The following ABI3BP variants were observed in gnomAD, a reference collection of about 807,000 sequenced individuals.
The protein encoded by ABI3BP is ABI family member 3 binding protein.
ABI3BP carries 216 observed loss-of-function variants against 268.6 expected under a neutral mutation model. The observed-to-expected ratio is 0.80, with a 90% CI of 0.72 to 0.90. The LOEUF (loss-of-function observed/expected upper bound fraction) is 0.90. ABI3BP is among the 40% of genes least tolerant of loss of function. The pLI is 0.00. For synonymous variants in ABI3BP, 730 were observed against 730.0 expected (o/e 1.00, Z 0.00); for missense variants, 2,090 against 2,182.4 (o/e 0.96, Z 0.84).
intron 61 of ABI3BP, among the ~76,000 whole-genome samples, chr3:100,774,026 G>A (rs921621713): frequency 6.6e-6 from 1 of 152,028 alleles, no homozygotes; most frequent in Admixed American, 6.6e-5. Flanking sequence ...TGTGATGATG[G>A]TCTCATGGGT....
intron 2 of ABI3BP, among the ~76,000 whole-genome samples, chr3:100,925,910 T>G (rs2061665640): frequency 6.6e-6 from 1 of 152,154 alleles, no homozygotes; most frequent in Non-Finnish European, 1.5e-5. Flanking sequence ...TATAATACTT[T>G]TTTTTAAAAT....
At chr3:100,901,683 G>A (rs555981032) in intron 3 of ABI3BP, among the ~76,000 whole-genome samples, 1 of 151,962 alleles carries the variant, frequency 6.6e-6, no homozygotes, top group South Asian at 2.1e-4. Flanking sequence ...GGAGAATGGC[G>A]TGAACCTGGG....
At chr3:100,895,160 T>C (rs1398944166) in intron 4 of ABI3BP, among the ~76,000 whole-genome samples, 1 of 151,988 alleles carries the variant, frequency 6.6e-6, no homozygotes, top group Non-Finnish European at 1.5e-5. Context: ...CAGTTGACTC[T>C]TCATCAGGGC....
At chr3:100,897,083 C>A (rs530970562) in intron 4 of ABI3BP, among the ~76,000 whole-genome samples, 1 of 59,750 alleles carries the variant, frequency 1.7e-5, no homozygotes, top group East Asian at 1.3e-3. Flanking sequence ...ATAAACATGG[C>A]CAAAAAGCAC....
intron 1 of ABI3BP, among the ~76,000 whole-genome samples, chr3:100,939,439 TAAAGG>T (rs1167883247): frequency 1.3e-5 from 2 of 151,652 alleles, no homozygotes; most frequent in African/African-American, 4.8e-5. Context: ...GCTTGAAAAA[TAAAGG>T]GAGAGAGTAC....
At chr3:100,817,608 C>A in intron 41 of ABI3BP, 113 bp from the exon 42 acceptor site, 1 of 722,826 alleles carries the variant, frequency 1.4e-6, no homozygotes, top group Non-Finnish European at 2.1e-6. Context: ...CAGATTTGGC[C>A]AAACCATGGT....
At position 100,866,971 on chromosome 3, in the gene ABI3BP, A is replaced by G; in HGVS notation, c.911-15T>C. ...TTCATTCTTAGCTAAAAAGTCAGAG[A>G]ACAAACAATTTATCTCACTTGCAGT... On this transcript the variant is annotated splice_polypyrimidine_tract_variant and intron_variant, in intron 9 of 67. Transcript: ENST00000471714. 6.2e-7 allele frequency: 1 copy of G among 1,608,500 alleles called. No homozygotes were observed. The highest frequency in any genetic ancestry group is 1.1e-5 in the South Asian group (1 of 90,902).
chr3:100,801,336 G>C (rs550646688), intron 51 of ABI3BP, among the ~76,000 whole-genome samples: 2 of 150,242 alleles, frequency 1.3e-5, no homozygotes, highest in Non-Finnish European at 3.0e-5. Flanking sequence ...GCTGAGGCAG[G>C]AGGATCACTT....
intron 9 of ABI3BP, among the ~76,000 whole-genome samples, chr3:100,868,028 T>A (rs1409622864): frequency 6.6e-6 from 1 of 152,246 alleles, no homozygotes; most frequent in Non-Finnish European, 1.5e-5. Flanking sequence ...AGTTATTTTC[T>A]GTGTTGAATC....
chr3:100,895,355 G>GC lies in ABI3BP; in HGVS notation c.461+3406dup, dbSNP rs202096737. 9.2e-3 allele frequency among the ~76,000 whole-genome samples: 1,399 copies of GC among 152,234 alleles called. 17 individuals carry two copies. The highest frequency in any genetic ancestry group is 0.03 in the African/African-American group (1,246 of 41,514). ...CCTATGCAAATAGGTACAGAAACATGCGCCACAAAGGATAAAGTGATATTT... is the reference window on the plus strand; with the variant it reads ...CCTATGCAAATAGGTACAGAAACATGCCGCCACAAAGGATAAAGTGATATTT... On this transcript the variant is annotated intron_variant, in intron 4 of 67. Transcript: ENST00000471714.
At chr3:100,960,947 G>A (rs1186408525) in intron 1 of ABI3BP, among the ~76,000 whole-genome samples, 1 of 152,156 alleles carries the variant, frequency 6.6e-6, no homozygotes, top group Non-Finnish European at 1.5e-5. Context: ...TGTAAGACTT[G>A]GAGCAGAGAA....
At chr3:100,862,219 A>G (rs904502163) in intron 14 of ABI3BP, 92 bp downstream of exon 14, 14 of 848,706 alleles carry the variant, frequency 1.6e-5, no homozygotes, top group Admixed American at 2.9e-5. Flanking sequence ...ATTACAAAGC[A>G]TAATGATAAT....
intron 27 of ABI3BP, 131 bp downstream of exon 27, chr3:100,836,993 A>G: frequency 2.3e-6 from 2 of 857,490 alleles, no homozygotes; most frequent in Non-Finnish European, 3.5e-6. Context: ...CCCTGTTGAA[A>G]ATAGTGAAAA....
At chr3:100,881,117 A>G (rs377020042) in intron 6 of ABI3BP, among the ~76,000 whole-genome samples, 5 of 152,226 alleles carry the variant, frequency 3.3e-5, no homozygotes, top group African/African-American at 1.2e-4. Flanking sequence ...TCCTACTTTC[A>G]AAAGGCTTCA....
chr3:100,845,002 A>G (rs1251569220), intron 20 of ABI3BP, among the ~76,000 whole-genome samples: 1 of 152,120 alleles, frequency 6.6e-6, no homozygotes, highest in Non-Finnish European at 1.5e-5. Flanking sequence ...GAATAACGCA[A>G]CCTATCATAT....
intron 2 of ABI3BP, 47 bp from the exon 3 acceptor site, chr3:100,902,733 C>A (rs767025473): frequency 6.6e-7 from 1 of 1,516,292 alleles, no homozygotes; most frequent in Non-Finnish European, 9.1e-7. Flanking sequence ...TGAGAACCAG[C>A]ATTGGAGGCA....
chr3:100,907,479 G>A (rs778992323), intron 2 of ABI3BP, among the ~76,000 whole-genome samples: 5 of 152,258 alleles, frequency 3.3e-5, no homozygotes, highest in African/African-American at 7.2e-5. Flanking sequence ...GGGTGACAGT[G>A]AGACCTTGTT....
At chr3:100,850,619 T>G (rs747233065) in intron 16 of ABI3BP, 41 bp downstream of exon 16, 1 of 1,470,886 alleles carries the variant, frequency 6.8e-7, no homozygotes, top group Admixed American at 1.8e-5. Flanking sequence ...TTTTTTTTTT[T>G]GATGGAAAAT....
rs114494064 is a variant in ABI3BP, at chr3:100,866,025, G to T, written c.988+854C>A. Among the ~76,000 whole-genome samples the T allele has an allele frequency of 4.0e-3, 612 of 152,268 alleles. 1 individual carries two copies. Among genetic ancestry groups the T allele is most frequent in the Non-Finnish European group, 6.6e-3 (446 of 68,010 alleles). On this transcript the variant is annotated intron_variant, in intron 10 of 67. Transcript: ENST00000471714. Reference sequence around the variant, plus strand: ...TCTCAGACATATTCCTACTTGAATGGATTTCTTGAAGTTATTTTACTGCCA... The same window carrying T: ...TCTCAGACATATTCCTACTTGAATGTATTTCTTGAAGTTATTTTACTGCCA...
Sources: allele counts gnomAD v4.1 joint callset (sites outside exome capture counted in the v4.1 genomes callset), GRCh38; gene constraint gnomAD v4.1.1; transcripts MANE v1.5; gene names NCBI Gene and HGNC (gene_info 2026-07-23, HGNC 2026-07-21).